AFF3: variants seen among roughly 807,000 people sequenced by gnomAD.
AFF3 encodes the protein AF4/FMR2 family member 3.
AFF3 carries 32 observed loss-of-function variants against 129.7 expected under a neutral mutation model. The ratio of observed to expected loss-of-function variants is 0.25; its 90% CI spans 0.19 to 0.33. The LOEUF (loss-of-function observed/expected upper bound fraction) is 0.33. AFF3 is among the 10% of genes least tolerant of loss of function. The pLI is 1.00. For missense variants in AFF3, 1,373 were observed against 1,592.0 expected (o/e 0.86, Z 2.34); for synonymous variants, 644 against 635.4 (o/e 1.01, Z -0.20).
At chr2:100,108,220 A>G (rs1474684382) in intron 2 of AFF3, among the ~76,000 whole-genome samples, 2 of 152,108 alleles carry the variant, frequency 1.3e-5, no homozygotes, top group Non-Finnish European at 2.9e-5. Context: ...TCTCCTTGCA[A>G]ATTACATGCT....
At chr2:99,641,828 C>T (rs1033472224) in intron 13 of AFF3, among the ~76,000 whole-genome samples, 7 of 152,184 alleles carry the variant, frequency 4.6e-5, no homozygotes, top group Non-Finnish European at 1.0e-4. Flanking sequence ...GCTCAGTACA[C>T]TACCGGACCT....
chr2:100,113,970 G>A (rs1323615037), intron 2 of AFF3, among the ~76,000 whole-genome samples: 1 of 152,142 alleles, frequency 6.6e-6, no homozygotes. Context: ...GCCAGGGCAA[G>A]AGATTGGGGC....
chr2:99,720,066 T>C (rs111401538), intron 11 of AFF3, among the ~76,000 whole-genome samples: 685 of 152,212 alleles, frequency 4.5e-3, no homozygotes, highest in Non-Finnish European at 7.8e-3. Context: ...AACAAACAAA[T>C]AAATAAAGTA....
chr2:99,999,715 A>T (rs1681207491), intron 7 of AFF3, among the ~76,000 whole-genome samples: 1 of 152,212 alleles, frequency 6.6e-6, no homozygotes, highest in South Asian at 2.1e-4. Flanking sequence ...GTAAGTACTA[A>T]CTCATCTAAC....
chr2:99,916,003 C>T (rs1009776645), intron 7 of AFF3, among the ~76,000 whole-genome samples: 5 of 152,134 alleles, frequency 3.3e-5, no homozygotes, highest in East Asian at 3.9e-4. Flanking sequence ...AAGCAAACCC[C>T]GGGAACTGCT....
chr2:100,010,180 T>C (rs1200411683), intron 4 of AFF3, among the ~76,000 whole-genome samples: 1 of 152,192 alleles, frequency 6.6e-6, no homozygotes, highest in African/African-American at 2.4e-5. Flanking sequence ...TAGCTTTAGG[T>C]GCCACAAAAT....
chr2:99,982,276 T>C (rs1430032488), intron 7 of AFF3, among the ~76,000 whole-genome samples: 1 of 152,194 alleles, frequency 6.6e-6, no homozygotes, highest in Admixed American at 6.5e-5. Flanking sequence ...GCCGTTCTCG[T>C]GATAGTGCAT....
chr2:99,551,650 T>TG (rs1341695065), intron 24 of AFF3, 55 bp from the exon 25 acceptor site: 2 of 1,605,650 alleles, frequency 1.2e-6, no homozygotes, highest in Admixed American at 1.7e-5. Flanking sequence ...TGTGCTATCC[T>TG]GAGCAACTGA....
chr2:99,731,004 A>G (rs1234122561), intron 10 of AFF3, among the ~76,000 whole-genome samples: 1 of 151,966 alleles, frequency 6.6e-6, no homozygotes, highest in Non-Finnish European at 1.5e-5. Context: ...CCCAGACTGG[A>G]GTGCAGTGGT....
rs372103723 is a variant in AFF3 at position 99,556,739 on chromosome 2, C to A, written c.3286-2007G>T. Among the ~76,000 whole-genome samples, 3 of 151,852 alleles carry A rather than the reference C, an allele frequency of 2.0e-5. 1 individual carries two copies. In the South Asian group the frequency reaches 6.2e-4, roughly 32 times the overall value. ...GAGTTCGAGAAGGGTCTGGACAACA[C>A]AAGGAGACCCTCTGTCTACAAAAAA... On this transcript the variant is annotated intron_variant, in intron 22 of 24. Transcript: ENST00000672756.
At chr2:99,903,976 C>G (rs1387579000) in intron 7 of AFF3, among the ~76,000 whole-genome samples, 1 of 152,108 alleles carries the variant, frequency 6.6e-6, no homozygotes, top group African/African-American at 2.4e-5. Context: ...CTTAAATTTG[C>G]TAAGTTTAAA....
At chr2:99,619,472 A>G (rs568765364) in intron 13 of AFF3, among the ~76,000 whole-genome samples, 1 of 152,350 alleles carries the variant, frequency 6.6e-6, no homozygotes, top group Admixed American at 6.5e-5. Flanking sequence ...GTGTTTCTGC[A>G]GGGAGTGCTG....
Position 100,141,358 on chromosome 2 carries a change from A to G in AFF3, c.-228+1126T>C, listed in dbSNP as rs542065096. ...CAGAAACACAACCAAAACTAAGAAT[A>G]TTAAATGTCTGTATTACTTTCACTG... On this transcript the variant is annotated intron_variant, in intron 1 of 24. Transcript: ENST00000672756. Among the ~76,000 whole-genome samples, 72 of 152,378 alleles carry G rather than the reference A, an allele frequency of 4.7e-4. 1 individual carries two copies. The South Asian group carries it at 0.014, about 31-fold the overall frequency.
chr2:99,932,159 C>T (rs1275360696), intron 7 of AFF3, among the ~76,000 whole-genome samples: 1 of 152,122 alleles, frequency 6.6e-6, no homozygotes. Flanking sequence ...TTGAATACGG[C>T]CCAATACAAA....
intron 7 of AFF3, among the ~76,000 whole-genome samples, chr2:100,005,175 T>A (rs1195837430): frequency 2.6e-5 from 4 of 152,164 alleles, no homozygotes; most frequent in African/African-American, 9.7e-5. Context: ...ATTAATGACA[T>A]ACCCAAAAGC....
intron 7 of AFF3, among the ~76,000 whole-genome samples, chr2:99,955,306 T>C (rs187840355): frequency 2.5e-4 from 37 of 147,196 alleles, no homozygotes; most frequent in Non-Finnish European, 4.4e-4. Flanking sequence ...ATAAAATATA[T>C]AGAGTATTCT....
chr2:100,109,958 T>TA (rs1691458694), intron 2 of AFF3: 1 of 152,198 alleles, frequency 6.6e-6, no homozygotes, highest in South Asian at 2.1e-4. Context: ...ATGAAAGTAA[T>TA]ACAGTCCCAG....
chr2:99,597,335 A>G (rs1276926612), intron 14 of AFF3, among the ~76,000 whole-genome samples: 1 of 152,228 alleles, frequency 6.6e-6, no homozygotes, highest in Non-Finnish European at 1.5e-5. Flanking sequence ...CACTCCAAAC[A>G]GTACTTGTTG....
chr2:100,066,782 C>T (rs1276296854), intron 4 of AFF3, among the ~76,000 whole-genome samples: 1 of 152,206 alleles, frequency 6.6e-6, no homozygotes, highest in Non-Finnish European at 1.5e-5. Flanking sequence ...ATCCTTTCTA[C>T]TCATTCAAAA....
Sources: allele counts gnomAD v4.1 joint callset (sites outside exome capture counted in the v4.1 genomes callset), GRCh38; gene constraint gnomAD v4.1.1; transcripts MANE v1.5; gene names NCBI Gene and HGNC (gene_info 2026-07-23, HGNC 2026-07-21).